CCDC178: variants seen among roughly 807,000 people sequenced by gnomAD.
CCDC178 encodes coiled-coil domain containing 178.
A neutral mutation model predicts 117.4 loss-of-function variants in CCDC178; 126 were observed. The observed-to-expected ratio is 1.07, with a 90% CI of 0.93 to 1.24. The LOEUF (loss-of-function observed/expected upper bound fraction) is 1.24. CCDC178 is among the 50% of genes most tolerant of loss of function. The pLI is 0.00. For synonymous variants in CCDC178, 283 were observed against 313.4 expected, an observed-to-expected ratio of 0.90 and a Z score of 1.02; for missense variants, 1,030 against 986.9, an observed-to-expected ratio of 1.04 and a Z score of -0.59.
chr18:33,380,808 T>C (rs545101928), intron 5 of CCDC178, among the ~76,000 whole-genome samples: 389 of 152,342 alleles, frequency 2.6e-3, no homozygotes, highest in Middle Eastern at 0.02. Context: ...CAAGGCATGC[T>C]AAGAGCCTCT....
intron 5 of CCDC178, among the ~76,000 whole-genome samples, chr18:33,381,762 C>T (rs2063441321): frequency 6.6e-6 from 1 of 152,100 alleles, no homozygotes; most frequent in South Asian, 2.1e-4. Context: ...TTGGCACGTA[C>T]TTCCTTGTGT....
At chr18:33,199,256 C>T (rs2058966254) in intron 20 of CCDC178, among the ~76,000 whole-genome samples, 1 of 152,040 alleles carries the variant, frequency 6.6e-6, no homozygotes, top group Non-Finnish European at 1.5e-5. Flanking sequence ...TTCCTCCATG[C>T]TTATGTGAAA....
At chr18:33,406,135 T>C (rs1301767524) in intron 3 of CCDC178, among the ~76,000 whole-genome samples, 1 of 151,926 alleles carries the variant, frequency 6.6e-6, no homozygotes, top group Non-Finnish European at 1.5e-5. Flanking sequence ...GGACAGCAAA[T>C]AATGTACAAA....
chr18:33,027,701 T>A (rs2056257038), intron 21 of CCDC178, among the ~76,000 whole-genome samples: 1 of 151,686 alleles, frequency 6.6e-6, no homozygotes, highest in Admixed American at 6.6e-5. Context: ...TAACAACATA[T>A]CATCAAAATA....
At chr18:33,092,945 A>G (rs576326207) in intron 20 of CCDC178, 35 bp from the exon 21 acceptor site, 35 of 1,205,360 alleles carry the variant, frequency 2.9e-5, no homozygotes, top group African/African-American at 6.3e-5. Flanking sequence ...AATTGTGTGT[A>G]TATATATATA....
chr18:33,027,642 T>C (rs1309293357), intron 21 of CCDC178, among the ~76,000 whole-genome samples: 1 of 151,754 alleles, frequency 6.6e-6, no homozygotes, highest in Non-Finnish European at 1.5e-5. Context: ...ATATTTTATA[T>C]TGAAAAAGTA....
intron 10 of CCDC178, among the ~76,000 whole-genome samples, chr18:33,328,323 G>C (rs1258308048): frequency 6.6e-6 from 1 of 151,816 alleles, no homozygotes; most frequent in Non-Finnish European, 1.5e-5. Context: ...GGATGGTCTC[G>C]ATCTCTTGAC....
At chr18:33,069,717 A>G (rs2057076437) in intron 21 of CCDC178, among the ~76,000 whole-genome samples, 2 of 152,164 alleles carry the variant, frequency 1.3e-5, no homozygotes, top group Non-Finnish European at 2.9e-5. Flanking sequence ...AAAGCAAAGG[A>G]AACAATAAAC....
intron 10 of CCDC178, among the ~76,000 whole-genome samples, chr18:33,328,274 T>A (rs1303389750): frequency 6.6e-6 from 1 of 151,926 alleles, no homozygotes; most frequent in East Asian, 1.9e-4. Context: ...AGCTAATTTT[T>A]GTATTTTTAG....
chr18:33,124,458 G>A (rs1409902249), intron 20 of CCDC178, among the ~76,000 whole-genome samples: 1 of 152,074 alleles, frequency 6.6e-6, no homozygotes, highest in Admixed American at 6.6e-5. Flanking sequence ...CCAATAAATA[G>A]CTGATACCAT....
rs199745115 is a variant in CCDC178, at chr18:33,127,015, TACACACAC to T, written c.2239-34113_2239-34106del. Among the ~76,000 whole-genome samples, 822 of 142,380 alleles carry T rather than the reference TACACACAC, an allele frequency of 5.8e-3. 8 individuals carry two copies. Among genetic ancestry groups the T allele is most frequent in the African/African-American group, 0.021 (775 of 37,616 alleles). The allele number at this position is 142,380 out of a possible 152,430, so 93.4% of individuals were successfully genotyped here. A position where few individuals can be genotyped will look rare whatever the true frequency, so the allele number is the denominator to read the frequency against. ...AAAAAAAAATATATATATATATATATACACACACACACACACACACACACATGGATCTT... is the reference window on the plus strand; with the variant it reads ...AAAAAAAAATATATATATATATATATACACACACACACACACATGGATCTT... On this transcript the variant is annotated intron_variant, in intron 20 of 22. Coordinates refer to ENST00000383096, the MANE Select transcript of CCDC178 (RefSeq NM_001105528.4).
intron 11 of CCDC178, among the ~76,000 whole-genome samples, chr18:33,309,469 G>C (rs1379866784): frequency 6.6e-6 from 1 of 152,072 alleles, no homozygotes; most frequent in Admixed American, 6.5e-5. Context: ...GAAAAACTTT[G>C]TGTAATTCAA....
chr18:33,078,685 C>T (rs2057250568), intron 21 of CCDC178, among the ~76,000 whole-genome samples: 2 of 151,966 alleles, frequency 1.3e-5, no homozygotes, highest in South Asian at 4.1e-4. Flanking sequence ...TTCACAATTG[C>T]CACAAAAGGA....
chr18:33,297,164 C>T (rs1599122599), intron 11 of CCDC178, among the ~76,000 whole-genome samples: 1 of 151,734 alleles, frequency 6.6e-6, no homozygotes, highest in Admixed American at 6.6e-5. Context: ...ACACAATATG[C>T]CAATTCTATG....
intron 17 of CCDC178, among the ~76,000 whole-genome samples, chr18:33,223,662 A>T (rs989467592): frequency 5.9e-5 from 9 of 152,282 alleles, no homozygotes; most frequent in African/African-American, 2.2e-4. Flanking sequence ...CTACAAGAAG[A>T]TGTAAAACCA....
chr18:33,212,055 C>G lies in CCDC178; in HGVS notation c.2079G>C (p.Lys693Asn). 1 of 1,561,978 alleles carries G rather than the reference C, an allele frequency of 6.4e-7. No homozygotes were observed. Among genetic ancestry groups the G allele is most frequent in the Non-Finnish European group, 8.6e-7 (1 of 1,159,314 alleles). The change falls in exon 20 of 23, where the codon AAG becomes AAC. Residue 693 changes from lysine to asparagine, a missense_variant and splice_region_variant. Coordinates refer to ENST00000383096, the MANE Select transcript of CCDC178 (RefSeq NM_001105528.4). Reference sequence around the variant, plus strand: ...TAAATCTCATAGTTATAAATTTGTTCCTGTGAAGAAAGAATTCCATGTGCC... The same window carrying G: ...TAAATCTCATAGTTATAAATTTGTTGCTGTGAAGAAAGAATTCCATGTGCC... The part of the protein sequence containing the change: ...KSFDQTLEIL[K>N]NKFITMRFKR...
intron 21 of CCDC178, among the ~76,000 whole-genome samples, chr18:33,082,313 G>A (rs1023485011): frequency 1.6e-4 from 24 of 151,968 alleles, no homozygotes; most frequent in African/African-American, 5.8e-4. Flanking sequence ...TCTACCAAAA[G>A]TACAAAAAAT....
At chr18:33,437,042 C>A (rs2064301758) in intron 2 of CCDC178, among the ~76,000 whole-genome samples, 1 of 152,080 alleles carries the variant, frequency 6.6e-6, no homozygotes, top group Non-Finnish European at 1.5e-5. Flanking sequence ...GAGTACAAAC[C>A]GAGCAAATGG....
chr18:33,324,580 C>A (rs140687385), intron 10 of CCDC178, among the ~76,000 whole-genome samples: 1 of 151,890 alleles, frequency 6.6e-6, no homozygotes, highest in Non-Finnish European at 1.5e-5. Context: ...CTCTTTCCAG[C>A]ATTTTATACT....
Sources: allele counts gnomAD v4.1 joint callset (sites outside exome capture counted in the v4.1 genomes callset), GRCh38; gene constraint gnomAD v4.1.1; transcripts MANE v1.5; gene names NCBI Gene and HGNC (gene_info 2026-07-23, HGNC 2026-07-21).